The following ZNF430 variants were observed in gnomAD, a reference collection of about 807,000 sequenced individuals.
ZNF430 encodes the protein zinc finger protein 430.
ZNF430 carries 35 observed loss-of-function variants against 56.7 expected under a neutral mutation model. The observed-to-expected ratio is 0.62, with a 90% CI of 0.47 to 0.82. The LOEUF (loss-of-function observed/expected upper bound fraction) is 0.82. Among genes scored for constraint, ZNF430 ranks in the 40% least tolerant of loss-of-function variants. ZNF430 has a pLI of 0.00. For synonymous variants in ZNF430, 212 were observed against 224.3 expected, an observed-to-expected ratio of 0.94 and a Z score of 0.49; for missense variants, 574 against 661.0, an observed-to-expected ratio of 0.87 and a Z score of 1.44.
At chr19:21,046,076 C>T (rs1968182052) in intron 4 of ZNF430, among the ~76,000 whole-genome samples, 3 of 152,058 alleles carry the variant, frequency 2.0e-5, no homozygotes, top group Admixed American at 2.0e-4. Context: ...AATCCCAGCA[C>T]TTTGGGAGGC....
intron 4 of ZNF430, among the ~76,000 whole-genome samples, chr19:21,039,291 T>C (rs1174668695): frequency 6.6e-6 from 1 of 151,510 alleles, no homozygotes; most frequent in Non-Finnish European, 1.5e-5. Flanking sequence ...GACAGGGTCT[T>C]CCTATGTTGC....
Position 21,057,262 on chromosome 19 carries a change from A to T in ZNF430, c.954A>T (p.Arg318Ser). ...KRIHTGEKPY[R>S]CEECGRAFNR... is the part of the protein sequence containing the mutation. ...TTCATACTGGAGAGAAACCCTACAG[A>T]TGTGAAGAATGTGGCAGAGCTTTTA... The change falls in exon 5 of 5, where the codon AGA becomes AGT. Residue 318 changes from arginine (R) to serine (S), a missense_variant. This residue lies in a region of ZNF430 where 346 missense variants were observed against 399.1 expected (regional missense o/e 0.87). Transcript: ENST00000261560. The T allele has an allele frequency of 5.6e-6, 9 of 1,613,382 alleles. No homozygotes were observed. Among genetic ancestry groups the T allele is most frequent in the Non-Finnish European group, 7.6e-6 (9 of 1,179,886 alleles).
At chr19:21,042,889 T>A (rs1968131108) in intron 4 of ZNF430, among the ~76,000 whole-genome samples, 1 of 152,214 alleles carries the variant, frequency 6.6e-6, no homozygotes, top group Admixed American at 6.5e-5. Flanking sequence ...TCCCTGATGT[T>A]GAGCTTTGTT....
chr19:21,054,966 G>A (rs112789865), intron 4 of ZNF430, among the ~76,000 whole-genome samples: 2 of 151,730 alleles, frequency 1.3e-5, no homozygotes, highest in Admixed American at 1.3e-4. Context: ...GAGCCACCGC[G>A]CCCGGCCGTC....
At chr19:21,022,548 A>G (rs1032760416) in intron 1 of ZNF430, among the ~76,000 whole-genome samples, 1 of 152,180 alleles carries the variant, frequency 6.6e-6, no homozygotes, top group Admixed American at 6.5e-5. Flanking sequence ...ACTGTGTTGT[A>G]AAAACTCTCT....
chr19:21,030,436 T>C (rs1021284533), intron 2 of ZNF430, among the ~76,000 whole-genome samples: 2 of 152,222 alleles, frequency 1.3e-5, no homozygotes, highest in African/African-American at 4.8e-5. Flanking sequence ...CAGTGCTCTG[T>C]AACATATCCT....
intron 2 of ZNF430, among the ~76,000 whole-genome samples, chr19:21,027,218 T>C (rs538776371): frequency 6.6e-6 from 1 of 152,176 alleles, no homozygotes; most frequent in African/African-American, 2.4e-5. Context: ...GGCATCCTTA[T>C]CTTGTGCCAG....
chr19:21,051,557 G>A (rs996956888), intron 4 of ZNF430, among the ~76,000 whole-genome samples: 2 of 152,124 alleles, frequency 1.3e-5, no homozygotes, highest in Non-Finnish European at 2.9e-5. Flanking sequence ...GCAGTGGTGC[G>A]ATCTCGGCGC....
At chr19:21,048,609 G>C (rs1352407185) in intron 4 of ZNF430, among the ~76,000 whole-genome samples, 1 of 152,144 alleles carries the variant, frequency 6.6e-6, no homozygotes, top group Non-Finnish European at 1.5e-5. Flanking sequence ...GCAACAATCT[G>C]ATTTCTCTAT....
intron 4 of ZNF430, chr19:21,053,673 C>A: frequency 6.6e-6 from 1 of 152,286 alleles, no homozygotes; most frequent in Non-Finnish European, 1.5e-5. Flanking sequence ...GGATTACAGG[C>A]GTGAGCCACT....
intron 2 of ZNF430, among the ~76,000 whole-genome samples, chr19:21,023,199 A>T (rs2144746538): frequency 6.6e-6 from 1 of 152,272 alleles, no homozygotes; most frequent in Middle Eastern, 3.4e-3. Flanking sequence ...ATAGTGTGGT[A>T]TCTCCTGAGT....
intron 2 of ZNF430, among the ~76,000 whole-genome samples, chr19:21,025,513 A>G (rs2098681): frequency 0.81 from 123,321 of 152,136 alleles, 52,257 homozygotes; most frequent in Middle Eastern, 0.93. Flanking sequence ...GTGCAGCCCC[A>G]TAGGTCTCAG....
At chr19:21,033,711 T>G in intron 3 of ZNF430, 129 bp downstream of exon 3, 1 of 1,161,316 alleles carries the variant, frequency 8.6e-7, no homozygotes, top group Non-Finnish European at 1.2e-6. Flanking sequence ...AAGAAAACCT[T>G]GAGGATTTTT....
chr19:21,057,485 A>G lies in ZNF430; in HGVS notation c.1177A>G (p.Ile393Val). ...YRFSYLTKHK[I>V]IHTGEKFYKC... is the part of the protein sequence containing the mutation. ...ATTCTCATACCTTACTAAACATAAG[A>G]TAATTCATACTGGAGAGAAATTCTA... Residue 393 changes from isoleucine (I) to valine (V), a missense_variant, in exon 5 of 5, where the codon ATA becomes GTA. By Grantham distance (29) the Ile-to-Val change is conservative. Coordinates refer to ENST00000261560, the MANE Select transcript of ZNF430 (RefSeq NM_025189.4). 3.1e-6 allele frequency: 5 copies of G among 1,613,752 alleles called. No homozygotes were observed. Among genetic ancestry groups the G allele is most frequent in the East Asian group, 2.2e-5 (1 of 44,860 alleles).
chr19:21,024,555 G>A (rs1010974345), intron 2 of ZNF430, among the ~76,000 whole-genome samples: 5 of 152,064 alleles, frequency 3.3e-5, no homozygotes, highest in East Asian at 1.9e-4. Context: ...CGAGGCAGGC[G>A]GATCATGAGG....
At chr19:21,025,600 T>A (rs144443015) in intron 2 of ZNF430, among the ~76,000 whole-genome samples, 1 of 152,024 alleles carries the variant, frequency 6.6e-6, no homozygotes, top group Non-Finnish European at 1.5e-5. Flanking sequence ...CTTTTTTTTT[T>A]ATCTGAGACG....
chr19:21,052,988 C>A (rs1268243429), intron 4 of ZNF430, among the ~76,000 whole-genome samples: 1 of 152,184 alleles, frequency 6.6e-6, no homozygotes, highest in Non-Finnish European at 1.5e-5. Context: ...GGGTCACAGT[C>A]TTCCCAGATG....
Position 21,058,335 on chromosome 19 carries a change from T to G in ZNF430, c.*314T>G. 1 of 226,704 alleles carries G rather than the reference T, an allele frequency of 4.4e-6. No homozygotes were observed. The highest frequency in any genetic ancestry group is 8.7e-6 in the Non-Finnish European group (1 of 114,762). 14.0% of individuals were successfully genotyped at this position (226,704 alleles called of 1,614,324 possible). ...GGTGCATGCCTGTAATCCCAGCTACTCGGGAGGCTGAGGCAGGAGAATTGC... is the reference window on the plus strand; with the variant it reads ...GGTGCATGCCTGTAATCCCAGCTACGCGGGAGGCTGAGGCAGGAGAATTGC... On this transcript the variant is annotated 3_prime_UTR_variant, in exon 5 of 5. Coordinates refer to ENST00000261560, the MANE Select transcript of ZNF430 (RefSeq NM_025189.4).
At chr19:21,055,510 G>A (rs140991691) in intron 4 of ZNF430, among the ~76,000 whole-genome samples, 3 of 151,504 alleles carry the variant, frequency 2.0e-5, no homozygotes, top group African/African-American at 4.9e-5. Flanking sequence ...GTGCAGTGGC[G>A]CAATCTCGGC....
Sources: allele counts gnomAD v4.1 joint callset (sites outside exome capture counted in the v4.1 genomes callset), GRCh38; gene constraint gnomAD v4.1.1; regional missense constraint gnomAD v4.1.1; transcripts MANE v1.5; gene names NCBI Gene and HGNC (gene_info 2026-07-23, HGNC 2026-07-21).